Variants in LYPD6B observed in about 807,000 individuals in gnomAD.
LYPD6B encodes LY6/PLAUR domain containing 6B.
In LYPD6B, 17 loss-of-function variants were observed where a neutral mutation model predicts 22.8. That is an observed-to-expected ratio of 0.75 (90% confidence interval 0.51 to 1.12). The LOEUF (loss-of-function observed/expected upper bound fraction) is 1.12, where lower values mean the gene tolerates loss of function less well. Among genes scored for constraint, LYPD6B ranks in the 50% most tolerant of loss-of-function variants. LYPD6B has a pLI of 0.00. For missense variants in LYPD6B, 221 were observed against 258.3 expected (o/e 0.86, Z 0.99); for synonymous variants, 106 against 91.6 (o/e 1.16, Z -0.90).
chr2:149,137,791 CTAT>C (rs1049078681), intron 2 of LYPD6B, among the ~76,000 whole-genome samples: 2 of 151,990 alleles, frequency 1.3e-5, no homozygotes, highest in African/African-American at 2.4e-5. Flanking sequence ...AATAAATATT[CTAT>C]TATTTCATTA....
intron 2 of LYPD6B, among the ~76,000 whole-genome samples, chr2:149,147,142 C>G (rs1419918962): frequency 6.6e-6 from 1 of 152,160 alleles, no homozygotes; most frequent in Non-Finnish European, 1.5e-5. Flanking sequence ...GCCCAAGGCC[C>G]TGATGTCTAC....
chr2:149,167,922 A>T (rs907719008), intron 3 of LYPD6B, among the ~76,000 whole-genome samples: 3 of 151,922 alleles, frequency 2.0e-5, no homozygotes, highest in Non-Finnish European at 4.4e-5. Flanking sequence ...TTGTTTTTTT[A>T]AAAAGACCTT....
chr2:149,127,806 C>T (rs1472349716), intron 1 of LYPD6B, among the ~76,000 whole-genome samples: 1 of 152,248 alleles, frequency 6.6e-6, no homozygotes, highest in East Asian at 1.9e-4. Flanking sequence ...TCAGTTACAG[C>T]TAACTTGGGC....
intron 3 of LYPD6B, among the ~76,000 whole-genome samples, chr2:149,191,490 A>G (rs944966697): frequency 1.3e-5 from 2 of 152,114 alleles, no homozygotes; most frequent in Admixed American, 1.3e-4. Flanking sequence ...ACAAATTCTT[A>G]TATGTATTTG....
intron 2 of LYPD6B, 37 bp downstream of exon 2, chr2:149,130,990 A>G (rs1460570429): frequency 2.1e-6 from 3 of 1,458,248 alleles, no homozygotes; most frequent in Non-Finnish European, 2.9e-6. Flanking sequence ...TAGAGAAGAT[A>G]TTTTTATTTA....
At chr2:149,137,608 A>G (rs1688447471) in intron 2 of LYPD6B, among the ~76,000 whole-genome samples, 1 of 152,196 alleles carries the variant, frequency 6.6e-6, no homozygotes, top group African/African-American at 2.4e-5. Flanking sequence ...CAGATGCTCA[A>G]TAAATATTTG....
chr2:149,186,546 C>T (rs1692116978), intron 3 of LYPD6B, among the ~76,000 whole-genome samples: 1 of 152,130 alleles, frequency 6.6e-6, no homozygotes, highest in Non-Finnish European at 1.5e-5. Flanking sequence ...AGCAAGTGAT[C>T]CAGAAGATCT....
At chr2:149,147,873 T>A (rs1689128026) in intron 2 of LYPD6B, among the ~76,000 whole-genome samples, 1 of 150,998 alleles carries the variant, frequency 6.6e-6, no homozygotes, top group South Asian at 2.1e-4. Context: ...CAGGCTTGGC[T>A]GATTGGCTGA....
intron 1 of LYPD6B, among the ~76,000 whole-genome samples, chr2:149,090,350 C>T (rs1277894499): frequency 1.3e-5 from 2 of 152,146 alleles, no homozygotes; most frequent in Non-Finnish European, 2.9e-5. Context: ...TTCAACTGAA[C>T]AGAGGGTCAT....
intron 1 of LYPD6B, among the ~76,000 whole-genome samples, chr2:149,085,586 C>A (rs556157878): frequency 3.1e-4 from 47 of 152,304 alleles, no homozygotes; most frequent in African/African-American, 1.1e-3. Flanking sequence ...AAAGTAGTTT[C>A]TTAACTGTTG....
rs376814412 is a variant in LYPD6B at position 149,111,218 on chromosome 2, AAG to A, written c.-66-19664_-66-19663del. Among the ~76,000 whole-genome samples the A allele has an allele frequency of 3.3e-3, 498 of 152,264 alleles. 3 individuals carry two copies. The highest frequency in any genetic ancestry group is 0.012 in the African/African-American group (481 of 41,556). ...TGGTAAGAACTGTAGATTTTATTAA[AAG>A]GGGGATGGAAACCATTTAGTGGTTT... is the stretch of plus-strand genomic sequence containing the variant. On this transcript the variant is annotated intron_variant, in intron 1 of 6. Transcript: ENST00000409642.
At chr2:149,092,195 G>A (rs968736216) in intron 1 of LYPD6B, among the ~76,000 whole-genome samples, 1 of 152,030 alleles carries the variant, frequency 6.6e-6, no homozygotes, top group African/African-American at 2.4e-5. Context: ...GGTGATGGGG[G>A]GGGAATTTTA....
At chr2:149,043,944 G>C (rs1033380134) in intron 1 of LYPD6B, among the ~76,000 whole-genome samples, 7 of 152,094 alleles carry the variant, frequency 4.6e-5, no homozygotes, top group African/African-American at 1.4e-4. Context: ...TAGCTAAAAT[G>C]TAAGGGTTTA....
At chr2:149,128,644 A>T (rs2105676725) in intron 1 of LYPD6B, among the ~76,000 whole-genome samples, 1 of 152,338 alleles carries the variant, frequency 6.6e-6, no homozygotes, top group Non-Finnish European at 1.5e-5. Flanking sequence ...AATGGTGGTA[A>T]GAGGGTCTTT....
chr2:149,178,449 A>G (rs1691476451), intron 3 of LYPD6B, among the ~76,000 whole-genome samples: 1 of 152,054 alleles, frequency 6.6e-6, no homozygotes, highest in Admixed American at 6.5e-5. Flanking sequence ...GTGAAACTGA[A>G]CAGTGCTACC....
intron 5 of LYPD6B, among the ~76,000 whole-genome samples, chr2:149,208,813 A>G (rs1222379683): frequency 6.6e-6 from 1 of 152,214 alleles, no homozygotes; most frequent in Non-Finnish European, 1.5e-5. Context: ...GTTTACAGAT[A>G]TATCCCAGTG....
chr2:149,051,003 TTTAATC>T lies in LYPD6B; in HGVS notation c.-67+12209_-67+12214del, dbSNP rs879648909. Among the ~76,000 whole-genome samples, 757 of 151,970 alleles carry T rather than the reference TTTAATC, an allele frequency of 5.0e-3. 8 individuals are homozygous for T. Among genetic ancestry groups the T allele is most frequent in the African/African-American group, 0.015 (608 of 41,466 alleles). ...ACACAGAAATAGTCACGGTTTGCAT[TTTAATC>T]TTAATCATTATAATTTATTCTAAAC... On this transcript the variant is annotated intron_variant, in intron 1 of 6. Coordinates refer to ENST00000409642, the MANE Select transcript of LYPD6B (RefSeq NM_177964.5).
intron 1 of LYPD6B, among the ~76,000 whole-genome samples, chr2:149,076,372 A>G (rs1227266212): frequency 1.3e-5 from 2 of 152,216 alleles, no homozygotes; most frequent in African/African-American, 4.8e-5. Context: ...TGATAACTAT[A>G]GTTTAAAATA....
intron 5 of LYPD6B, among the ~76,000 whole-genome samples, chr2:149,209,976 C>T (rs1693743538): frequency 6.6e-6 from 1 of 152,128 alleles, no homozygotes; most frequent in African/African-American, 2.4e-5. Context: ...CTTCTCTTTA[C>T]TAATTTATTT....
Sources: allele counts gnomAD v4.1 joint callset (sites outside exome capture counted in the v4.1 genomes callset), GRCh38; gene constraint gnomAD v4.1.1; transcripts MANE v1.5; gene names NCBI Gene and HGNC (gene_info 2026-07-23, HGNC 2026-07-21).